Variants in DPYSL3 observed in about 807,000 individuals in gnomAD.
The protein encoded by DPYSL3 is dihydropyrimidinase-related protein 3.
In DPYSL3, 16 loss-of-function variants were observed where a neutral mutation model predicts 66.1. The ratio of observed to expected loss-of-function variants is 0.24; its 90% CI spans 0.16 to 0.37. DPYSL3 has a LOEUF of 0.37. Ranked by LOEUF, DPYSL3 falls within the 10% of genes least tolerant of loss-of-function variation. The pLI, the probability that DPYSL3 is intolerant of heterozygous loss-of-function variation, is 1.00. For missense variants in DPYSL3, 738 were observed against 916.2 expected (o/e 0.81, Z 2.51); for synonymous variants, 338 against 345.1 (o/e 0.98, Z 0.23).
chr5:147,495,464 G>C (rs1753485847), intron 1 of DPYSL3, among the ~76,000 whole-genome samples: 1 of 152,218 alleles, frequency 6.6e-6, no homozygotes, highest in African/African-American at 2.4e-5. Context: ...AATTGTCCCT[G>C]TTTGCAGATG....
At chr5:147,460,953 T>C (rs1321321050) in intron 1 of DPYSL3, among the ~76,000 whole-genome samples, 2 of 152,164 alleles carry the variant, frequency 1.3e-5, no homozygotes, top group Non-Finnish European at 2.9e-5. Flanking sequence ...GTCCTATTGA[T>C]ACAGGAGATA....
chr5:147,481,536 AG>A (rs1753243875), intron 1 of DPYSL3, among the ~76,000 whole-genome samples: 1 of 152,208 alleles, frequency 6.6e-6, no homozygotes, highest in Non-Finnish European at 1.5e-5. Flanking sequence ...CAAGTCTCAC[AG>A]GGATGATGCA....
At chr5:147,481,759 C>T (rs967252187) in intron 1 of DPYSL3, among the ~76,000 whole-genome samples, 2 of 152,204 alleles carry the variant, frequency 1.3e-5, no homozygotes, top group African/African-American at 2.4e-5. Flanking sequence ...CATCTGCCTT[C>T]TACCATAGTA....
At position 147,400,740 on chromosome 5, in the gene DPYSL3, G is replaced by A. The variant is rs770728163; in HGVS notation, c.1404C>T (p.Gly468=). The A allele has an allele frequency of 6.2e-7, 1 of 1,614,162 alleles. No homozygotes were observed. Among genetic ancestry groups the A allele is most frequent in the Non-Finnish European group, 8.5e-7 (1 of 1,180,006 alleles). ...GKDNFTAIPE[G]TNGVEERMSV... ...ACATCCGCTCCTCCACACCATTGGTGCCCTCAGGAATGGCTGTGAAGTTGT... is the reference window on the plus strand; with the variant it reads ...ACATCCGCTCCTCCACACCATTGGTACCCTCAGGAATGGCTGTGAAGTTGT... The change falls in exon 10 of 14, where the codon GGC becomes GGT. Residue 468 remains glycine (G), a synonymous_variant. Coordinates refer to ENST00000343218, the MANE Select transcript of DPYSL3 (RefSeq NM_001197294.2).
intron 8 of DPYSL3, among the ~76,000 whole-genome samples, chr5:147,402,745 T>C (rs561278473): frequency 6.7e-4 from 102 of 152,278 alleles, no homozygotes; most frequent in African/African-American, 2.3e-3. Flanking sequence ...ACTAGCTTCT[T>C]GGATTCTGCC....
At chr5:147,466,072 T>C (rs1175604630) in intron 1 of DPYSL3, among the ~76,000 whole-genome samples, 2 of 152,228 alleles carry the variant, frequency 1.3e-5, no homozygotes, top group Non-Finnish European at 2.9e-5. Flanking sequence ...ACATTTATAT[T>C]TCTTTAAAAA....
intron 1 of DPYSL3, among the ~76,000 whole-genome samples, chr5:147,469,716 A>G (rs937681272): frequency 1.3e-5 from 2 of 152,194 alleles, no homozygotes; most frequent in African/African-American, 2.4e-5. Flanking sequence ...AGATTCTCAA[A>G]GGGTGTATGA....
chr5:147,457,666 T>C (rs1428397613), intron 1 of DPYSL3, among the ~76,000 whole-genome samples: 1 of 152,186 alleles, frequency 6.6e-6, no homozygotes, highest in Non-Finnish European at 1.5e-5. Flanking sequence ...TAGAGTAGAA[T>C]TGGTACCTGG....
intron 1 of DPYSL3, among the ~76,000 whole-genome samples, chr5:147,501,789 C>T (rs970556825): frequency 1.3e-4 from 19 of 151,828 alleles, no homozygotes; most frequent in Non-Finnish European, 1.0e-4. Flanking sequence ...AATGATGTGT[C>T]GATGTAGGTT....
intron 6 of DPYSL3, among the ~76,000 whole-genome samples, chr5:147,409,329 A>C (rs904463777): frequency 6.6e-6 from 1 of 152,206 alleles, no homozygotes; most frequent in African/African-American, 2.4e-5. Context: ...TTTTTGTAGA[A>C]ATGCAGATTT....
intron 3 of DPYSL3, among the ~76,000 whole-genome samples, chr5:147,417,771 C>G (rs1461323611): frequency 2.0e-5 from 3 of 152,052 alleles, no homozygotes; most frequent in Non-Finnish European, 4.4e-5. Context: ...AATTTAAAAA[C>G]AAGAGAAACC....
intron 1 of DPYSL3, among the ~76,000 whole-genome samples, chr5:147,466,836 T>C (rs1259950299): frequency 6.6e-6 from 1 of 152,168 alleles, no homozygotes; most frequent in African/African-American, 2.4e-5. Context: ...TTGGCCTCAT[T>C]AGTTCTGGCT....
chr5:147,467,648 C>T (rs146336908), intron 1 of DPYSL3, among the ~76,000 whole-genome samples: 10 of 152,288 alleles, frequency 6.6e-5, no homozygotes, highest in East Asian at 5.8e-4. Flanking sequence ...ACAATTTACA[C>T]GGACCTCCAA....
At chr5:147,406,447 C>T (rs3792841) in intron 7 of DPYSL3, among the ~76,000 whole-genome samples, 4,756 of 152,210 alleles carry the variant, frequency 0.031, 222 homozygotes, top group East Asian at 0.18. Flanking sequence ...TAGGTGACCT[C>T]GGGTACATTG....
chr5:147,413,612 T>C lies in DPYSL3; in HGVS notation c.866A>G (p.Gln289Arg), dbSNP rs1056679957. 4 of 1,613,222 alleles carry C rather than the reference T, an allele frequency of 2.5e-6. No individual in the cohort carries two copies. Among genetic ancestry groups the C allele is most frequent in the Non-Finnish European group, 3.4e-6 (4 of 1,179,542 alleles). The change falls in exon 5 of 14, where the codon CAA becomes CGA. Residue 289 changes from glutamine to arginine, a missense_variant. Transcript: ENST00000343218. Reference sequence around the variant, plus strand: ...GGTTGTTACCTCTGTGTTAGATACTTGATACAAATCCTTATAAGCCATATA... The same window carrying C: ...GGTTGTTACCTCTGTGTTAGATACTCGATACAAATCCTTATAAGCCATATA... ...MVYMAYKDLY[Q>R]VSNTELYEIF...
intron 8 of DPYSL3, chr5:147,402,070 C>A: frequency 5.5e-6 from 1 of 183,184 alleles, no homozygotes; most frequent in Admixed American, 6.3e-5. Context: ...TATACCAAGG[C>A]TGAAATAGAT....
intron 7 of DPYSL3, among the ~76,000 whole-genome samples, chr5:147,406,821 A>G (rs1758334547): frequency 6.6e-6 from 1 of 152,144 alleles, no homozygotes; most frequent in South Asian, 2.1e-4. Flanking sequence ...AAATACCAAA[A>G]ATAGCTTGCA....
chr5:147,441,144 T>C (rs1209559293), intron 1 of DPYSL3, among the ~76,000 whole-genome samples: 1 of 152,236 alleles, frequency 6.6e-6, no homozygotes, highest in Non-Finnish European at 1.5e-5. Context: ...TTTAAGTTTT[T>C]AATTTTTTCA....
chr5:147,489,948 A>G (rs1753390573), intron 1 of DPYSL3, among the ~76,000 whole-genome samples: 1 of 152,116 alleles, frequency 6.6e-6, no homozygotes, highest in South Asian at 2.1e-4. Context: ...TTGAATCTAA[A>G]ATAAAATTTA....
Sources: gnomAD v4.1 joint callset for allele counts (sites outside exome capture counted in the v4.1 genomes callset) on GRCh38, gnomAD v4.1.1 for gene constraint, MANE v1.5 for transcripts, NCBI Gene and HGNC (gene_info 2026-07-23, HGNC 2026-07-21) for gene names.